Variants in TOM1L1 observed in about 807,000 individuals in gnomAD.
TOM1L1 encodes the protein target of myb1 like 1 membrane trafficking protein.
TOM1L1 carries 64 observed loss-of-function variants against 63.4 expected under a neutral mutation model. The ratio of observed to expected loss-of-function variants is 1.01; its 90% CI spans 0.83 to 1.24. The LOEUF (loss-of-function observed/expected upper bound fraction) is 1.24, where lower values mean the gene tolerates loss of function less well. TOM1L1 is among the 50% of genes most tolerant of loss of function. The probability of loss-of-function intolerance (pLI) is 0.00; values close to 1 mark genes in which losing one functional copy is unlikely to be tolerated. For synonymous variants in TOM1L1, 166 were observed against 194.4 expected (o/e 0.85, Z 1.22); for missense variants, 536 against 567.0 (o/e 0.95, Z 0.55).
At chr17:54,933,298 C>T (rs2048893983) in intron 8 of TOM1L1, among the ~76,000 whole-genome samples, 1 of 151,962 alleles carries the variant, frequency 6.6e-6, no homozygotes. Context: ...ACTTCTGCCT[C>T]TCTCTTCCAC....
At chr17:54,956,173 C>G (rs1166006654) in intron 14 of TOM1L1, among the ~76,000 whole-genome samples, 1 of 152,164 alleles carries the variant, frequency 6.6e-6, no homozygotes, top group African/African-American at 2.4e-5. Context: ...TTGACAGGGT[C>G]TCACTGTGTC....
At chr17:54,939,167 A>C (rs2048998800) in intron 11 of TOM1L1, 147 bp downstream of exon 11, 2 of 483,852 alleles carry the variant, frequency 4.1e-6, no homozygotes, top group South Asian at 4.5e-5. Context: ...TGAGCCCAGG[A>C]GTTTGAGACC....
chr17:54,938,110 G>A (rs1187335985), intron 10 of TOM1L1: 1 of 152,204 alleles, frequency 6.6e-6, no homozygotes. Context: ...GATGTGTAGA[G>A]TCAGTTACAT....
chr17:54,933,367 A>G (rs1031777666), intron 8 of TOM1L1, among the ~76,000 whole-genome samples: 6 of 152,364 alleles, frequency 3.9e-5, no homozygotes, highest in Middle Eastern at 3.4e-3. Context: ...TAATCTCCCA[A>G]TTAAGGGCAG....
At position 54,914,742 on chromosome 17, in the gene TOM1L1, A is replaced by G. The variant is rs774633571; in HGVS notation, c.602A>G (p.Gln201Arg). Residue 201 changes from glutamine (Q) to arginine (R), a missense_variant and splice_region_variant, in exon 6 of 16, where the codon CAG (glutamine) becomes CGG (arginine). Coordinates refer to ENST00000575882, the MANE Select transcript of TOM1L1 (RefSeq NM_005486.3). ...TCGACTGTTACATTGGTCCCAGAAC[A>G]GGTAACAACAACAATCATTGCATTT... ...KNSTVTLVPE[Q>R]IGKLHSELDM... 6 of 1,600,174 alleles carry G rather than the reference A, an allele frequency of 3.7e-6. No homozygotes were observed. The African/African-American group carries it at 8.1e-5, about 22-fold the overall frequency.
Position 54,900,884 on chromosome 17 carries a change from C to G in TOM1L1, c.19C>G (p.His7Asp). The G allele has an allele frequency of 6.2e-7, 1 of 1,613,822 alleles. No homozygotes were observed. Among genetic ancestry groups the G allele is most frequent in the Non-Finnish European group, 8.5e-7 (1 of 1,180,014 alleles). Residue 7 changes from histidine (H) to aspartate (D), a missense_variant, in exon 1 of 16, where the codon CAC becomes GAC. His to Asp is a moderately conservative substitution (Grantham distance 81, BLOSUM62 -1). Coordinates refer to ENST00000575882, the MANE Select transcript of TOM1L1 (RefSeq NM_005486.3). ...CGCTACCATGGCGTTTGGCAAGAGT[C>G]ACCGGGATCCCTACGCGACCTCCGT... MAFGKS[H>D]RDPYATSVGH...
intron 7 of TOM1L1, among the ~76,000 whole-genome samples, chr17:54,924,283 C>CTT (rs35210443): frequency 0.058 from 7,935 of 137,494 alleles, 805 homozygotes; most frequent in African/African-American, 0.2. Context: ...TTTCTTTTTT[C>CTT]TTTTTTTTTT....
intron 7 of TOM1L1, among the ~76,000 whole-genome samples, chr17:54,923,605 G>A (rs966687438): frequency 4.6e-5 from 7 of 151,770 alleles, no homozygotes; most frequent in Admixed American, 2.0e-4. Flanking sequence ...GAGTGCAGTG[G>A]CGCGATCTCG....
intron 15 of TOM1L1, 76 bp downstream of exon 15, chr17:54,960,703 T>C: frequency 8.3e-7 from 1 of 1,201,544 alleles, no homozygotes; most frequent in South Asian, 1.3e-5. Flanking sequence ...ACATATTTAG[T>C]ATTTAAATTT....
At chr17:54,956,208 G>C (rs760722967) in intron 14 of TOM1L1, among the ~76,000 whole-genome samples, 1 of 152,170 alleles carries the variant, frequency 6.6e-6, no homozygotes, top group African/African-American at 2.4e-5. Context: ...AAAGTGGCAT[G>C]ATCACGGCTT....
intron 14 of TOM1L1, among the ~76,000 whole-genome samples, chr17:54,955,692 T>C (rs527826239): frequency 6.6e-6 from 1 of 152,138 alleles, no homozygotes; most frequent in Admixed American, 6.5e-5. Flanking sequence ...TCTCTCAGTC[T>C]CCCAGACCTG....
chr17:54,912,669 A>T lies in TOM1L1; in HGVS notation c.226A>T (p.Ile76Phe). The change falls in exon 4 of 16, where the codon ATT becomes TTT. Residue 76 changes from isoleucine (I) to phenylalanine (F), a missense_variant. Coordinates refer to ENST00000575882, the MANE Select transcript of TOM1L1 (RefSeq NM_005486.3). The stretch of plus-strand genomic sequence containing the variant: ...TTTAATTTTTTTTCTAATTTAGCTT[A>T]TTGACATGTGTGTGCAGAACTGTGG... ...HKEIQLTLSLIDMCVQNCGPS... is the reference protein window; with the variant it reads ...HKEIQLTLSLFDMCVQNCGPS... 6.5e-7 allele frequency: 1 copy of T among 1,539,228 alleles called. No homozygotes were observed. Among genetic ancestry groups the T allele is most frequent in the Non-Finnish European group, 8.7e-7 (1 of 1,150,460 alleles).
intron 7 of TOM1L1, among the ~76,000 whole-genome samples, chr17:54,928,299 A>G (rs935073786): frequency 9.9e-5 from 15 of 152,038 alleles, no homozygotes; most frequent in African/African-American, 3.4e-4. Context: ...TTTCAATGGC[A>G]CCATTGCCAA....
At position 54,912,817 on chromosome 17, in the gene TOM1L1, T is replaced by C; in HGVS notation, c.372+2T>C. 6.2e-7 allele frequency: 1 copy of C among 1,601,578 alleles called. No homozygotes were observed. The highest frequency in any genetic ancestry group is 1.1e-5 in the South Asian group (1 of 87,976). On this transcript the variant is annotated splice_donor_variant, in intron 4 of 15. Transcript: ENST00000575882. LOFTEE classifies it high-confidence loss of function. ...AATAGAATCTTGAATTTCATTAAGG[T>C]AAGTCTGTTGTATACCTCATGGGAT... is the stretch of plus-strand genomic sequence containing the variant.
intron 7 of TOM1L1, 87 bp from the exon 8 acceptor site, chr17:54,929,986 C>T: frequency 6.5e-7 from 1 of 1,547,502 alleles, no homozygotes. Context: ...GTGGAGGTGA[C>T]TGTAGGTATG....
chr17:54,941,018 C>T (rs1228544987), intron 11 of TOM1L1, among the ~76,000 whole-genome samples: 1 of 152,110 alleles, frequency 6.6e-6, no homozygotes, highest in African/African-American at 2.4e-5. Context: ...TTCATCCTCC[C>T]TCTCTCCTTT....
intron 3 of TOM1L1, chr17:54,906,784 T>C: frequency 2.0e-6 from 2 of 985,534 alleles, no homozygotes; most frequent in East Asian, 1.1e-4. Flanking sequence ...TTCAGTCACG[T>C]TGGTGAGTTG....
chr17:54,907,959 C>T (rs974778581), intron 3 of TOM1L1, among the ~76,000 whole-genome samples: 1 of 152,166 alleles, frequency 6.6e-6, no homozygotes, highest in Non-Finnish European at 1.5e-5. Context: ...CTCCCTGTGA[C>T]GACGGACCAG....
intron 7 of TOM1L1, among the ~76,000 whole-genome samples, chr17:54,918,616 G>A (rs1234955234): frequency 6.6e-6 from 1 of 152,172 alleles, no homozygotes; most frequent in Non-Finnish European, 1.5e-5. Context: ...AACCAGGTCA[G>A]ATTTTAGAAA....
Sources: gnomAD v4.1 joint callset for allele counts (sites outside exome capture counted in the v4.1 genomes callset) on GRCh38, gnomAD v4.1.1 for gene constraint, MANE v1.5 for transcripts, NCBI Gene and HGNC (gene_info 2026-07-23, HGNC 2026-07-21) for gene names.